Variants in CD36 observed in about 807,000 individuals in gnomAD.
CD36 encodes the protein platelet glycoprotein 4.
In CD36, 119 loss-of-function variants were observed where a neutral mutation model predicts 55.2. That is an observed-to-expected ratio of 2.15 (90% CI 1.86 to 2.51). The LOEUF is 2.51. Among genes scored for constraint, CD36 ranks in the 30% most tolerant of loss-of-function variants. The pLI is 0.00. For synonymous variants in CD36, 186 were observed against 193.6 expected (o/e 0.96, Z 0.33); for missense variants, 819 against 555.5 (o/e 1.47, Z -4.77).
At chr7:80,657,500 A>G (rs1165887313) in intron 4 of CD36, among the ~76,000 whole-genome samples, 1 of 152,196 alleles carries the variant, frequency 6.6e-6, no homozygotes, top group Non-Finnish European at 1.5e-5. Flanking sequence ...TATTAGAACT[A>G]GAGGAAATGA....
At chr7:80,666,837 T>G (rs548761168) in intron 8 of CD36, among the ~76,000 whole-genome samples, 2 of 152,094 alleles carry the variant, frequency 1.3e-5, no homozygotes, top group South Asian at 4.1e-4. Flanking sequence ...AGTATACAGA[T>G]AAGTTAGAAT....
At chr7:80,607,135 A>G (rs1792597437) in intron 1 of CD36, among the ~76,000 whole-genome samples, 1 of 151,952 alleles carries the variant, frequency 6.6e-6, no homozygotes, top group Non-Finnish European at 1.5e-5. Flanking sequence ...ATTCCTCTTG[A>G]GTATTAAAGG....
chr7:80,652,904 C>A (rs1795738613), intron 3 of CD36, among the ~76,000 whole-genome samples: 1 of 152,118 alleles, frequency 6.6e-6, no homozygotes, highest in Non-Finnish European at 1.5e-5. Flanking sequence ...ATCCCCATAA[C>A]AACCTATGAG....
intron 12 of CD36, chr7:80,673,077 A>C (rs1797875869): frequency 1.9e-6 from 1 of 537,216 alleles, no homozygotes; most frequent in East Asian, 3.0e-5. Context: ...TAGCTGCCCA[A>C]ATATTTCTAT....
At chr7:80,672,477 T>G (rs1402328352) in intron 11 of CD36, among the ~76,000 whole-genome samples, 3 of 151,796 alleles carry the variant, frequency 2.0e-5, no homozygotes, top group Non-Finnish European at 4.4e-5. Flanking sequence ...TGACCAGGAA[T>G]TATCTGAGAT....
At chr7:80,640,844 A>G (rs1259149821) in intron 1 of CD36, among the ~76,000 whole-genome samples, 2 of 152,088 alleles carry the variant, frequency 1.3e-5, no homozygotes, top group East Asian at 1.9e-4. Context: ...TACCATCAAA[A>G]CAAGTTACAA....
intron 4 of CD36, among the ~76,000 whole-genome samples, chr7:80,658,577 C>A (rs1343328130): frequency 6.6e-6 from 1 of 152,186 alleles, no homozygotes; most frequent in Non-Finnish European, 1.5e-5. Flanking sequence ...ACTGCATCCT[C>A]AACCTCCTAG....
Position 80,626,958 on chromosome 7 carries a change from C to T in CD36, c.-183-19130C>T, listed in dbSNP as rs1258872071. Among the ~76,000 whole-genome samples the T allele has an allele frequency of 3.3e-5, 5 of 152,046 alleles. No individual in the cohort carries two copies. In the East Asian group the frequency reaches 9.6e-4, roughly 29 times the overall value. ...TATGTAAGTATTGCATTCATCTTAT[C>T]TCCCTATTGATTCCAACTTTTTGTT... is the stretch of plus-strand genomic sequence containing the variant. On this transcript the variant is annotated intron_variant, in intron 1 of 13. Transcript: ENST00000309881.
At chr7:80,604,945 T>G (rs1792460323) in intron 1 of CD36, among the ~76,000 whole-genome samples, 1 of 152,128 alleles carries the variant, frequency 6.6e-6, no homozygotes, top group African/African-American at 2.4e-5. Flanking sequence ...GGTCCCATGT[T>G]GGAACTTCAC....
At chr7:80,607,423 A>G (rs1222351397) in intron 1 of CD36, among the ~76,000 whole-genome samples, 1 of 152,194 alleles carries the variant, frequency 6.6e-6, no homozygotes, top group Non-Finnish European at 1.5e-5. Flanking sequence ...AAAAGCTACA[A>G]ATAGGAGAAG....
Position 80,671,984 on chromosome 7 carries a change from A to G in CD36, c.1069A>G (p.Ile357Val), listed in dbSNP as rs768937224. Residue 357 changes from isoleucine (I) to valine (V), a missense_variant, in exon 11 of 15, where the codon ATT (isoleucine) becomes GTT (valine). Physicochemically the swap from Ile to Val is conservative, Grantham distance 29. Transcript: ENST00000447544. The part of the protein sequence containing the change: ...LYASPDVSEP[I>V]DGLNPNEEEH... ...TGCAAGTCCTGATGTTTCAGAACCT[A>G]TTGATGGATTAAACCCAAATGAAGA... The G allele has an allele frequency of 6.2e-7, 1 of 1,608,898 alleles. No homozygotes were observed. The highest frequency in any genetic ancestry group is 1.1e-5 in the South Asian group (1 of 90,960).
At chr7:80,658,383 C>T (rs920418405) in intron 4 of CD36, among the ~76,000 whole-genome samples, 1 of 151,726 alleles carries the variant, frequency 6.6e-6, no homozygotes, top group African/African-American at 2.4e-5. Flanking sequence ...AGAAATAGAA[C>T]CTAAGTGAAC....
chr7:80,663,677 C>T (rs760963954), intron 6 of CD36, among the ~76,000 whole-genome samples: 1 of 151,844 alleles, frequency 6.6e-6, no homozygotes, highest in Non-Finnish European at 1.5e-5. Flanking sequence ...TTTAGTAGTC[C>T]ATAATGTCAT....
intron 7 of CD36, chr7:80,666,191 T>C (rs1797075108): frequency 2.2e-6 from 1 of 457,836 alleles, no homozygotes; most frequent in Admixed American, 3.6e-5. Flanking sequence ...TTTTTTCTTA[T>C]TCCAAGATGT....
chr7:80,636,276 TA>T (rs201405957), upstream of CD36, among the ~76,000 whole-genome samples: 1,959 of 152,188 alleles, frequency 0.013, 48 homozygotes, highest in African/African-American at 0.043. Context: ...ACTCATCTCT[TA>T]GCTCTTATTA....
At position 80,679,014 on chromosome 7, in the gene CD36, C is replaced by T. The variant is rs1010333869; in HGVS notation, c.*2631C>T. The stretch of plus-strand genomic sequence containing the variant: ...CTCTGTGGCTGCTCTCTTCACCTGC[C>T]CCTTGTGGCCTGTCTACAATTCTAA... On this transcript the variant is annotated 3_prime_UTR_variant, in exon 15 of 15. Transcript: ENST00000447544. 1.3e-5 allele frequency: 2 copies of T among 152,082 alleles called. No individual in the cohort carries two copies. The highest frequency in any genetic ancestry group is 4.8e-5 in the African/African-American group (2 of 41,394). 9.4% of individuals were successfully genotyped at this position (152,082 alleles called of 1,614,324 possible).
At chr7:80,656,925 T>A (rs952859515) in intron 4 of CD36, among the ~76,000 whole-genome samples, 2 of 152,288 alleles carry the variant, frequency 1.3e-5, no homozygotes, top group Admixed American at 1.3e-4. Flanking sequence ...TATCCAAATA[T>A]TTATTAGACA....
chr7:80,619,869 A>G (rs995338747), intron 1 of CD36, among the ~76,000 whole-genome samples: 14 of 152,310 alleles, frequency 9.2e-5, no homozygotes, highest in African/African-American at 3.1e-4. Context: ...ACAAGACTTC[A>G]GAGAAGGAAA....
chr7:80,603,275 C>A (rs1022391683), intron 1 of CD36, among the ~76,000 whole-genome samples: 1 of 152,238 alleles, frequency 6.6e-6, no homozygotes, highest in African/African-American at 2.4e-5. Context: ...CCATGCTATT[C>A]TGCTATTCTA....
Sources: gnomAD v4.1 joint callset for allele counts (sites outside exome capture counted in the v4.1 genomes callset) on GRCh38, gnomAD v4.1.1 for gene constraint, MANE v1.5 for transcripts, NCBI Gene and HGNC (gene_info 2026-07-23, HGNC 2026-07-21) for gene names.